The following TUSC3 variants were observed in gnomAD, a reference collection of about 807,000 sequenced individuals.
TUSC3 encodes dolichyl-diphosphooligosaccharide--protein glycosyltransferase subunit TUSC3.
Under a neutral mutation model 44.8 loss-of-function variants are expected in TUSC3, and 45 were observed. The observed-to-expected ratio is 1.00, with a 90% confidence interval of 0.79 to 1.29. TUSC3 has a LOEUF of 1.29. Among genes scored for constraint, TUSC3 ranks in the 50% most tolerant of loss-of-function variants. The pLI is 0.00. For missense variants in TUSC3, 519 were observed against 437.9 expected (o/e 1.19, Z -1.65); for synonymous variants, 212 against 152.9 (o/e 1.39, Z -2.85).
At chr8:15,505,121 C>T (rs1563268804) in intron 2 of TUSC3, among the ~76,000 whole-genome samples, 1 of 152,142 alleles carries the variant, frequency 6.6e-6, no homozygotes, top group African/African-American at 2.4e-5. Flanking sequence ...CTCCATCCGC[C>T]ACTTGGAATA....
intron 1 of TUSC3, among the ~76,000 whole-genome samples, chr8:15,449,412 A>G (rs118009804): frequency 1.9e-4 from 29 of 152,162 alleles, no homozygotes; most frequent in Non-Finnish European, 4.1e-4. Flanking sequence ...TTAACTGCAC[A>G]TCCTCCATAG....
At chr8:15,503,879 G>T (rs1289568059) in intron 2 of TUSC3, among the ~76,000 whole-genome samples, 1 of 151,954 alleles carries the variant, frequency 6.6e-6, no homozygotes, top group Non-Finnish European at 1.5e-5. Flanking sequence ...GCTGGGTGTG[G>T]TGGTGCACAC....
chr8:15,446,696 C>T (rs547085876), intron 1 of TUSC3, among the ~76,000 whole-genome samples: 9 of 116,372 alleles, frequency 7.7e-5, no homozygotes, highest in South Asian at 2.9e-4. Flanking sequence ...AGCCTCGGCT[C>T]GGCATCAGAG....
At position 15,703,704 on chromosome 8, in the gene TUSC3, A is replaced by G. The variant is rs112259973; in HGVS notation, c.799-26962A>G. Among the ~76,000 whole-genome samples, 1,098 of 152,176 alleles carry G rather than the reference A, an allele frequency of 7.2e-3. 15 individuals carry two copies. Among genetic ancestry groups the G allele is most frequent in the African/African-American group, 0.024 (1,014 of 41,522 alleles). Reference sequence around the variant, plus strand: ...AAATGGCGAGTGAGAGGAGTGACGTACCAGATTCTCTTAAATCATGGAAAC... The same window carrying G: ...AAATGGCGAGTGAGAGGAGTGACGTGCCAGATTCTCTTAAATCATGGAAAC... On this transcript the variant is annotated intron_variant, in intron 6 of 10. Coordinates refer to ENST00000503731, the MANE Select transcript of TUSC3 (RefSeq NM_006765.4).
At chr8:15,492,584 G>A (rs1800823172) in intron 2 of TUSC3, among the ~76,000 whole-genome samples, 1 of 152,082 alleles carries the variant, frequency 6.6e-6, no homozygotes, top group East Asian at 1.9e-4. Flanking sequence ...GATGACATGG[G>A]AGATTTGACT....
At chr8:15,441,147 C>T (rs979489075) in intron 1 of TUSC3, among the ~76,000 whole-genome samples, 83 of 152,362 alleles carry the variant, frequency 5.4e-4, no homozygotes, top group African/African-American at 1.9e-3. Context: ...TGGCTCACGC[C>T]TGTAATCCCA....
intron 1 of TUSC3, among the ~76,000 whole-genome samples, chr8:15,582,164 G>C (rs1050127682): frequency 2.0e-5 from 3 of 152,172 alleles, no homozygotes; most frequent in Non-Finnish European, 2.9e-5. Context: ...GCCCTGCTTC[G>C]GCTCGCGCAT....
At chr8:15,710,401 C>A (rs1159499054) in intron 6 of TUSC3, among the ~76,000 whole-genome samples, 4 of 151,632 alleles carry the variant, frequency 2.6e-5, no homozygotes, top group African/African-American at 9.7e-5. Context: ...GCTATTTAAG[C>A]CTAGATGAAA....
At chr8:15,468,195 G>A (rs1186909264) in intron 1 of TUSC3, among the ~76,000 whole-genome samples, 1 of 152,150 alleles carries the variant, frequency 6.6e-6, no homozygotes, top group Non-Finnish European at 1.5e-5. Context: ...TTGGTTGGTT[G>A]GTTTTGGTTT....
the TUSC3 span, among the ~76,000 whole-genome samples, chr8:15,797,953 C>T: frequency 6.6e-5 from 10 of 152,268 alleles, no homozygotes; most frequent in South Asian, 6.2e-4. Context: ...TGGGCTAATG[C>T]ATCTCTTACT....
At chr8:15,448,305 G>A (rs559536258) in intron 1 of TUSC3, among the ~76,000 whole-genome samples, 3 of 151,620 alleles carry the variant, frequency 2.0e-5, no homozygotes, top group Admixed American at 6.6e-5. Context: ...TTTTAGTAGA[G>A]ATGAGGTTTC....
chr8:15,678,968 G>T (rs923920501), intron 6 of TUSC3, among the ~76,000 whole-genome samples: 3 of 152,126 alleles, frequency 2.0e-5, no homozygotes, highest in Admixed American at 6.6e-5. Context: ...AGTATTCCTT[G>T]GTGTATATGT....
At chr8:15,799,548 C>G in the TUSC3 span, among the ~76,000 whole-genome samples, 1 of 152,134 alleles carries the variant, frequency 6.6e-6, no homozygotes, top group South Asian at 2.1e-4. Context: ...GCTGTGACCC[C>G]CTTCCCAGTT....
At position 15,673,796 on chromosome 8, in the gene TUSC3, G is replaced by A; in HGVS notation, c.758G>A (p.Gly253Glu). ...GGCCAGATGTGGAACCATATCCGTG[G>A]ACCTCCATATGCTCATAAGAACCCA... The part of the protein sequence containing the change: ...TSGQMWNHIR[G>E]PPYAHKNPHN... The change falls in exon 6 of 11, where the codon GGA becomes GAA. Residue 253 changes from glycine to glutamate, a missense_variant. Transcript: ENST00000503731. 6.2e-7 allele frequency: 1 copy of A among 1,612,710 alleles called. No homozygotes were observed. Among genetic ancestry groups the A allele is most frequent in the Non-Finnish European group, 8.5e-7 (1 of 1,179,114 alleles).
intron 5 of TUSC3, among the ~76,000 whole-genome samples, chr8:15,671,584 T>C (rs546199707): frequency 1.3e-5 from 2 of 152,150 alleles, no homozygotes; most frequent in South Asian, 4.1e-4. Flanking sequence ...TTATTCCAGG[T>C]TTGAACCTGG....
intron 6 of TUSC3, among the ~76,000 whole-genome samples, chr8:15,708,118 T>A (rs1018535377): frequency 8.6e-5 from 13 of 151,882 alleles, no homozygotes; most frequent in African/African-American, 3.1e-4. Context: ...AAGGTCACAG[T>A]CCAAGTTAAT....
At chr8:15,700,975 C>G (rs1313420209) in intron 6 of TUSC3, among the ~76,000 whole-genome samples, 2 of 150,172 alleles carry the variant, frequency 1.3e-5, no homozygotes, top group Non-Finnish European at 3.0e-5. Context: ...ATTCTGTGTG[C>G]TTTCTTCTCT....
At chr8:15,587,918 ATAT>A (rs1199585244) in intron 1 of TUSC3, among the ~76,000 whole-genome samples, 1 of 152,056 alleles carries the variant, frequency 6.6e-6, no homozygotes, top group African/African-American at 2.4e-5. Context: ...TAGCTAAATA[ATAT>A]TCTATTATAT....
intron 2 of TUSC3, among the ~76,000 whole-genome samples, chr8:15,648,000 T>C (rs924545059): frequency 4.6e-5 from 7 of 152,190 alleles, no homozygotes; most frequent in Non-Finnish European, 8.8e-5. Context: ...ATTCCTCTTA[T>C]TCAGAACTGG....
Sources: gnomAD v4.1 joint callset for allele counts (sites outside exome capture counted in the v4.1 genomes callset) on GRCh38, gnomAD v4.1.1 for gene constraint, MANE v1.5 for transcripts, NCBI Gene and HGNC (gene_info 2026-07-23, HGNC 2026-07-21) for gene names.